Variants in L3MBTL4 observed in about 807,000 individuals in gnomAD.
L3MBTL4 encodes the protein L3MBTL histone methyl-lysine binding protein 4.
A neutral mutation model predicts 84.5 loss-of-function variants in L3MBTL4; 70 were observed. The observed-to-expected ratio is 0.83, with a 90% CI of 0.68 to 1.01. L3MBTL4 has a LOEUF of 1.01. L3MBTL4 is among the 50% of genes least tolerant of loss of function. The pLI, the probability that L3MBTL4 is intolerant of heterozygous loss-of-function variation, is 0.00. For missense variants in L3MBTL4, 715 were observed against 754.8 expected, an observed-to-expected ratio of 0.95 and a Z score of 0.62; for synonymous variants, 274 against 259.8, an observed-to-expected ratio of 1.05 and a Z score of -0.52.
At chr18:6,000,084 G>GT (rs1245808680) in intron 16 of L3MBTL4, among the ~76,000 whole-genome samples, 1 of 151,948 alleles carries the variant, frequency 6.6e-6, no homozygotes, top group Non-Finnish European at 1.5e-5. Flanking sequence ...TAAGTAATGA[G>GT]TGAGCTCAGA....
intron 4 of L3MBTL4, among the ~76,000 whole-genome samples, chr18:6,285,477 C>T (rs1348975023): frequency 6.9e-6 from 1 of 144,172 alleles, no homozygotes; most frequent in East Asian, 2.0e-4. Flanking sequence ...TAAAATAGTG[C>T]TATAAAGTGT....
intron 7 of L3MBTL4, among the ~76,000 whole-genome samples, 169 bp from the exon 8 acceptor site, chr18:6,241,618 T>C (rs1390097968): frequency 6.6e-6 from 1 of 152,214 alleles, no homozygotes; most frequent in African/African-American, 2.4e-5. Context: ...TGTCCTGCCA[T>C]AAATTCAACG....
At position 6,239,714 on chromosome 18, in the gene L3MBTL4, T is replaced by C; in HGVS notation, c.707+4A>G. ...CAAAAATAAAACACACATTCATATC[T>C]CACCAGTAATCGTAACTATCATCCC... On this transcript the variant is annotated splice_donor_region_variant and intron_variant, in intron 9 of 18. Coordinates refer to ENST00000317931, the MANE Select transcript of L3MBTL4 (RefSeq NM_001330559.2). 6.2e-7 allele frequency: 1 copy of C among 1,612,680 alleles called. No homozygotes were observed. Among genetic ancestry groups the C allele is most frequent in the Non-Finnish European group, 8.5e-7 (1 of 1,179,672 alleles).
At chr18:6,093,209 T>G (rs2058516102) in intron 15 of L3MBTL4, 146 bp downstream of exon 15, 1 of 600,486 alleles carries the variant, frequency 1.7e-6, no homozygotes, top group Non-Finnish European at 2.7e-6. Context: ...TAGATGAATT[T>G]TATCAGCCCA....
chr18:6,128,451 A>C (rs1330236269), intron 14 of L3MBTL4, among the ~76,000 whole-genome samples: 2 of 152,160 alleles, frequency 1.3e-5, no homozygotes, highest in African/African-American at 4.8e-5. Flanking sequence ...AAAAGCCCTA[A>C]AAATGCCCAG....
At chr18:6,075,390 G>A (rs758117750) in intron 16 of L3MBTL4, among the ~76,000 whole-genome samples, 12 of 152,060 alleles carry the variant, frequency 7.9e-5, no homozygotes, top group Non-Finnish European at 1.8e-4. Flanking sequence ...ATGGTTACTC[G>A]ATTTATGACA....
rs2044046979 is a variant in L3MBTL4 at position 6,172,946 on chromosome 18, AGTC to A, written c.982-1007_982-1005del. On this transcript the variant is annotated intron_variant, in intron 12 of 18. Transcript: ENST00000317931. The stretch of plus-strand genomic sequence containing the variant: ...TAAACTCCCAATATTTTTTCTCAAG[AGTC>A]GTCTTTCTAAGCAAGTGGTTTTCAA... 3.3e-5 allele frequency among the ~76,000 whole-genome samples: 5 copies of A among 152,288 alleles called. No individual in the cohort carries two copies. The South Asian group carries it at 1.0e-3, about 32-fold the overall frequency.
intron 15 of L3MBTL4, among the ~76,000 whole-genome samples, 179 bp downstream of exon 15, chr18:6,093,175 AT>A (rs1490317064): frequency 1.3e-5 from 2 of 152,352 alleles, no homozygotes; most frequent in Non-Finnish European, 2.9e-5. Context: ...AAAATAAAAT[AT>A]TTTTTAAATG....
intron 14 of L3MBTL4, among the ~76,000 whole-genome samples, chr18:6,132,385 G>C (rs2059902070): frequency 1.3e-5 from 2 of 152,012 alleles, no homozygotes; most frequent in African/African-American, 2.4e-5. Flanking sequence ...AGCTTTTGGA[G>C]ACCTTGCTCT....
At chr18:6,338,195 G>C (rs551260724) in intron 1 of L3MBTL4, among the ~76,000 whole-genome samples, 4 of 152,010 alleles carry the variant, frequency 2.6e-5, no homozygotes, top group Admixed American at 2.0e-4. Flanking sequence ...GGAGGAGGAG[G>C]AAGAGAGAAG....
At chr18:6,034,442 G>A (rs948205122) in intron 16 of L3MBTL4, among the ~76,000 whole-genome samples, 1 of 152,024 alleles carries the variant, frequency 6.6e-6, no homozygotes, top group Non-Finnish European at 1.5e-5. Context: ...ATGATGATTT[G>A]CAATTTCATC....
intron 1 of L3MBTL4, among the ~76,000 whole-genome samples, chr18:6,391,752 A>AACAACTACTACT (rs1555755552): frequency 4.3e-4 from 65 of 150,112 alleles, no homozygotes; most frequent in African/African-American, 1.3e-3. Context: ...CAACAACAAC[A>AACAACTACTACT]ACTACTACTA....
intron 16 of L3MBTL4, among the ~76,000 whole-genome samples, chr18:6,071,641 A>G (rs1598637111): frequency 6.7e-6 from 1 of 150,360 alleles, no homozygotes; most frequent in East Asian, 1.9e-4. Flanking sequence ...CATAAAAAAG[A>G]AAGAAAGAAA....
At chr18:6,083,362 C>T (rs1376198699) in intron 15 of L3MBTL4, among the ~76,000 whole-genome samples, 3 of 152,068 alleles carry the variant, frequency 2.0e-5, no homozygotes, top group Admixed American at 1.3e-4. Flanking sequence ...ATAAGCTAAT[C>T]GACTTGTTTG....
chr18:5,960,003 A>C (rs7231917), intron 18 of L3MBTL4, 91 bp downstream of exon 18: 2 of 202,528 alleles, frequency 9.9e-6, no homozygotes, highest in African/African-American at 3.9e-5. Context: ...GAAGTATAGA[A>C]ATACATACAT....
Position 6,358,812 on chromosome 18 carries a change from T to C in L3MBTL4, c.-90-46756A>G, listed in dbSNP as rs542492662. On this transcript the variant is annotated intron_variant, in intron 1 of 18. Coordinates refer to ENST00000317931, the MANE Select transcript of L3MBTL4 (RefSeq NM_001330559.2). ...CAGTTCCCTGAAGCAAGGTAACCAA[T>C]GGCAAGAGGAATGAGCAGAAGCACT... 2.4e-4 allele frequency among the ~76,000 whole-genome samples: 36 copies of C among 152,252 alleles called. No individual in the cohort carries two copies. The South Asian group carries it at 6.0e-3, about 25-fold the overall frequency.
chr18:6,380,648 G>A (rs1264237458), intron 1 of L3MBTL4, among the ~76,000 whole-genome samples: 2 of 152,172 alleles, frequency 1.3e-5, no homozygotes, highest in Admixed American at 1.3e-4. Flanking sequence ...TCTTAATCCT[G>A]AGTTCTAATT....
intron 5 of L3MBTL4, among the ~76,000 whole-genome samples, chr18:6,257,861 G>C (rs569466239): frequency 3.9e-5 from 6 of 152,036 alleles, no homozygotes; most frequent in Middle Eastern, 3.4e-3. Context: ...GGTCAGGCTG[G>C]TCTCTAACTC....
chr18:6,173,610 T>A (rs112453151), intron 12 of L3MBTL4, among the ~76,000 whole-genome samples: 8 of 152,142 alleles, frequency 5.3e-5, no homozygotes, highest in Admixed American at 1.3e-4. Context: ...TGAAACCTCA[T>A]CTCTACAAAA....
Sources: allele counts gnomAD v4.1 joint callset (sites outside exome capture counted in the v4.1 genomes callset), GRCh38; gene constraint gnomAD v4.1.1; transcripts MANE v1.5; gene names NCBI Gene and HGNC (gene_info 2026-07-23, HGNC 2026-07-21).